The following MED12L variants were observed in gnomAD, a reference collection of about 807,000 sequenced individuals.
MED12L encodes mediator complex subunit 12L, also known as mediator of RNA polymerase II transcription subunit 12-like protein.
In MED12L, 60 loss-of-function variants were observed where a neutral mutation model predicts 281.3. That is an observed-to-expected ratio of 0.21 (90% CI 0.17 to 0.26). The LOEUF (loss-of-function observed/expected upper bound fraction) is 0.26, where lower values mean the gene tolerates loss of function less well. MED12L is among the 10% of genes least tolerant of loss of function. The probability of loss-of-function intolerance (pLI) is 1.00; values close to 1 mark genes in which losing one functional copy is unlikely to be tolerated. For synonymous variants in MED12L, 974 were observed against 987.2 expected (o/e 0.99, Z 0.25); for missense variants, 2,146 against 2,680.9 (o/e 0.80, Z 4.41).
chr3:151,134,187 T>C (rs967031569), intron 5 of MED12L, among the ~76,000 whole-genome samples: 3 of 132,436 alleles, frequency 2.3e-5, no homozygotes, highest in African/African-American at 1.1e-4. Context: ...GTTGTGGGGT[T>C]GTTTTTTTTT....
chr3:151,152,523 T>C (rs540901924), intron 5 of MED12L, among the ~76,000 whole-genome samples: 68 of 152,122 alleles, frequency 4.5e-4, no homozygotes, highest in Non-Finnish European at 7.1e-4. Context: ...GGGTCTGACA[T>C]TGGTGACAGC....
In MED12L at chr3:151,382,183, TTC is replaced by T. The variant is rs377056097; in HGVS notation, c.4591-469_4591-468del. ...GCCATATTTTTCAAAGTACCGTGCG[TTC>T]TCTTTATCAAGGAAGACACATACAT... On this transcript the variant is annotated intron_variant, in intron 32 of 44. Transcript: ENST00000687756. Among the ~76,000 whole-genome samples the T allele has an allele frequency of 2.2e-3, 337 of 152,224 alleles. 1 individual carries two copies. Among genetic ancestry groups the T allele is most frequent in the African/African-American group, 7.6e-3 (314 of 41,548 alleles).
intron 44 of MED12L, among the ~76,000 whole-genome samples, chr3:151,432,074 C>T (rs1719597662): frequency 6.6e-6 from 1 of 152,208 alleles, no homozygotes; most frequent in Admixed American, 6.5e-5. Flanking sequence ...AACTGAGCTG[C>T]TCACCACACA....
In MED12L at chr3:151,104,140, G is replaced by C. The variant is rs181855931; in HGVS notation, c.100-12198G>C. Among the ~76,000 whole-genome samples, 11 of 152,224 alleles carry C rather than the reference G, an allele frequency of 7.2e-5. No homozygotes were observed. In the East Asian group the frequency reaches 2.1e-3, roughly 29 times the overall value. ...GATGGCCTGCAGGTGTGATTTGGAT[G>C]GGGGTGAATGCTAATAGCAGTATAG... is the stretch of plus-strand genomic sequence containing the variant. On this transcript the variant is annotated intron_variant, in intron 2 of 44. Coordinates refer to ENST00000687756, the MANE Select transcript of MED12L (RefSeq NM_001393769.1).
intron 16 of MED12L, among the ~76,000 whole-genome samples, chr3:151,239,194 T>C (rs1341176352): frequency 2.6e-5 from 4 of 152,242 alleles, no homozygotes; most frequent in Non-Finnish European, 5.9e-5. Context: ...ATGACCAATG[T>C]ATGATGTTAT....
At chr3:151,425,701 T>A in intron 43 of MED12L, 2 of 456,724 alleles carry the variant, frequency 4.4e-6, no homozygotes, top group South Asian at 3.1e-5. Flanking sequence ...AGCAGGAGCA[T>A]GGCATGGCTT....
intron 5 of MED12L, among the ~76,000 whole-genome samples, chr3:151,150,630 C>T (rs1434257674): frequency 6.6e-6 from 1 of 152,222 alleles, no homozygotes; most frequent in Non-Finnish European, 1.5e-5. Flanking sequence ...TATGAAAGTC[C>T]TGGATGGCAT....
chr3:151,241,200 T>C (rs1162508987), intron 16 of MED12L, among the ~76,000 whole-genome samples: 1 of 152,244 alleles, frequency 6.6e-6, no homozygotes. Flanking sequence ...CTTTTGAGAC[T>C]ATATCTCTTT....
intron 39 of MED12L, among the ~76,000 whole-genome samples, chr3:151,405,372 A>G (rs997856975): frequency 2.0e-5 from 3 of 152,208 alleles, no homozygotes; most frequent in African/African-American, 7.2e-5. Context: ...CAAGTCAGGT[A>G]TCTGAGCCAT....
At chr3:151,192,740 A>G in intron 15 of MED12L, 86 bp downstream of exon 15, 1 of 826,852 alleles carries the variant, frequency 1.2e-6, no homozygotes, top group Non-Finnish European at 2.0e-6. Flanking sequence ...TGTTCTCAGA[A>G]TGACTTGCAC....
chr3:151,226,622 C>T (rs1337719857), intron 16 of MED12L, among the ~76,000 whole-genome samples: 2 of 149,484 alleles, frequency 1.3e-5, no homozygotes, highest in Non-Finnish European at 1.5e-5. Context: ...GTTTTTTTTT[C>T]AAGAAAGGAA....
In MED12L at chr3:151,367,672, A is replaced by G; in HGVS notation, c.3354A>G (p.Ser1118=). Reference sequence around the variant, plus strand: ...TGAGTGACCTTTCATTCCATGATTCATTAGCTACTTTCATTGCTATTCTGA... The same window carrying G: ...TGAGTGACCTTTCATTCCATGATTCGTTAGCTACTTTCATTGCTATTCTGA... ...VDVSDLSFHD[S]LATFIAILIA... The change falls in exon 24 of 45, where the codon TCA becomes TCG. Residue 1118 remains serine, a synonymous_variant. Coordinates refer to ENST00000687756, the MANE Select transcript of MED12L (RefSeq NM_001393769.1). The G allele has an allele frequency of 1.2e-6, 2 of 1,608,896 alleles. No homozygotes were observed. The highest frequency in any genetic ancestry group is 1.3e-5 in the African/African-American group (1 of 74,766).
chr3:151,303,710 C>G (rs1030136701), intron 16 of MED12L, among the ~76,000 whole-genome samples: 1 of 152,158 alleles, frequency 6.6e-6, no homozygotes, highest in Non-Finnish European at 1.5e-5. Context: ...TTGCAGTGAG[C>G]TGAGATCACG....
chr3:151,107,706 C>T (rs961257314), intron 2 of MED12L, among the ~76,000 whole-genome samples: 1 of 152,092 alleles, frequency 6.6e-6, no homozygotes, highest in Non-Finnish European at 1.5e-5. Context: ...ACAATAGCCA[C>T]CATTTATAGG....
At chr3:151,401,903 G>T (rs1715728646) in intron 39 of MED12L, among the ~76,000 whole-genome samples, 1 of 152,136 alleles carries the variant, frequency 6.6e-6, no homozygotes, top group Non-Finnish European at 1.5e-5. Flanking sequence ...GATGAGGAAG[G>T]TGCTGATTTT....
intron 16 of MED12L, among the ~76,000 whole-genome samples, chr3:151,259,601 G>C (rs1738485133): frequency 6.6e-6 from 1 of 152,148 alleles, no homozygotes; most frequent in African/African-American, 2.4e-5. Context: ...TTTTTTGCAA[G>C]CTCAGGTCTT....
rs180951992 is a variant in MED12L, at chr3:151,391,230, A to G, written c.5608+1095A>G. ...TTTAAAAGTAAATTGTAATAGTTAT[A>G]TAGCCTTTTGAAGGTAGCCTGACCC... is the stretch of plus-strand genomic sequence containing the variant. On this transcript the variant is annotated intron_variant, in intron 38 of 44. Coordinates refer to ENST00000687756, the MANE Select transcript of MED12L (RefSeq NM_001393769.1). 2.4e-3 allele frequency among the ~76,000 whole-genome samples: 358 copies of G among 152,338 alleles called. 1 individual carries two copies. The highest frequency in any genetic ancestry group is 8.2e-3 in the African/African-American group (341 of 41,584).
intron 5 of MED12L, among the ~76,000 whole-genome samples, chr3:151,154,637 G>A (rs1284012751): frequency 6.6e-6 from 1 of 152,196 alleles, no homozygotes; most frequent in Non-Finnish European, 1.5e-5. Context: ...CATACTGACA[G>A]TGAGTTAATA....
chr3:151,347,866 C>T (rs1387033218), intron 16 of MED12L, among the ~76,000 whole-genome samples: 2 of 152,152 alleles, frequency 1.3e-5, no homozygotes, highest in Non-Finnish European at 1.5e-5. Flanking sequence ...GTTTATTATT[C>T]GAGATCATGG....
Sources: gnomAD v4.1 joint callset for allele counts (sites outside exome capture counted in the v4.1 genomes callset) on GRCh38, gnomAD v4.1.1 for gene constraint, MANE v1.5 for transcripts, NCBI Gene and HGNC (gene_info 2026-07-23, HGNC 2026-07-21) for gene names.